EPHB1: variants seen among roughly 807,000 people sequenced by gnomAD.
EPHB1 encodes the protein EPH receptor B1.
Under a neutral mutation model 94.4 loss-of-function variants are expected in EPHB1, and 30 were observed. That is an observed-to-expected ratio of 0.32 (90% CI 0.24 to 0.43). The LOEUF (loss-of-function observed/expected upper bound fraction) is 0.43, where lower values mean the gene tolerates loss of function less well. Ranked by LOEUF, EPHB1 falls within the 20% of genes least tolerant of loss-of-function variation. EPHB1 has a pLI of 1.00. For missense variants in EPHB1, 1,055 were observed against 1,308.3 expected (o/e 0.81, Z 2.99); for synonymous variants, 522 against 489.1 (o/e 1.07, Z -0.89).
At chr3:135,101,436 C>T (rs947818431) in intron 3 of EPHB1, among the ~76,000 whole-genome samples, 29 of 151,960 alleles carry the variant, frequency 1.9e-4, no homozygotes, top group Admixed American at 1.6e-3. Flanking sequence ...TGCAGTGGCG[C>T]GATCTTGGCT....
intron 4 of EPHB1, among the ~76,000 whole-genome samples, chr3:135,111,903 C>T (rs2107801482): frequency 6.6e-6 from 1 of 152,320 alleles, no homozygotes; most frequent in Middle Eastern, 3.4e-3. Flanking sequence ...TGGTCTCGAA[C>T]TCCTGACCTT....
chr3:135,162,779 A>G (rs1370574547), intron 7 of EPHB1, among the ~76,000 whole-genome samples: 1 of 152,148 alleles, frequency 6.6e-6, no homozygotes, highest in South Asian at 2.1e-4. Context: ...TTAGTTCCCT[A>G]TTATCACTAT....
chr3:134,899,626 C>CA (rs2038159019), intron 1 of EPHB1, among the ~76,000 whole-genome samples: 1 of 152,166 alleles, frequency 6.6e-6, no homozygotes, highest in South Asian at 2.1e-4. Context: ...ACTCAAAACA[C>CA]ACTCTTAGAC....
intron 1 of EPHB1, among the ~76,000 whole-genome samples, chr3:134,862,342 G>GT (rs982877022): frequency 2.0e-5 from 3 of 151,978 alleles, no homozygotes; most frequent in African/African-American, 7.3e-5. Context: ...TACTCCATGG[G>GT]TGCATGGGTG....
rs139714986 is a variant in EPHB1 at position 134,838,427 on chromosome 3, AG to A, written c.58+42739del. 7.6e-3 allele frequency among the ~76,000 whole-genome samples: 1,150 copies of A among 152,248 alleles called. 11 individuals are homozygous for A. The highest frequency in any genetic ancestry group is 0.026 in the African/African-American group (1,098 of 41,534). The stretch of plus-strand genomic sequence containing the variant: ...CTGTTCTAGCATTTTCTCCCTTCAC[AG>A]CTTCCCTGGGCTTATTTTGCCTCTT... On this transcript the variant is annotated intron_variant, in intron 1 of 15. Transcript: ENST00000398015.
chr3:135,149,023 T>G (rs1941105558), intron 5 of EPHB1, among the ~76,000 whole-genome samples: 1 of 152,230 alleles, frequency 6.6e-6, no homozygotes, highest in Non-Finnish European at 1.5e-5. Context: ...GTGCCTGTAC[T>G]CTGTTGGGTC....
chr3:135,002,171 TCTATGTCCC>T lies in EPHB1; in HGVS notation c.805+50121_805+50129del, dbSNP rs1486306954. ...ATATTCAGTACTGACATGTTTTGGG[TCTATGTCCC>T]CACCCAAATCTCCTCTCAAATTGTA... is the stretch of plus-strand genomic sequence containing the variant. On this transcript the variant is annotated intron_variant, in intron 3 of 15. Coordinates refer to ENST00000398015, the MANE Select transcript of EPHB1 (RefSeq NM_004441.5). 2.2e-4 allele frequency among the ~76,000 whole-genome samples: 34 copies of T among 152,202 alleles called. 1 individual carries two copies. Among genetic ancestry groups the T allele is most frequent in the Admixed American group, 6.5e-5 (1 of 15,282 alleles).
chr3:134,973,425 C>CTTGTTTTTTT (rs1934057003), intron 3 of EPHB1, among the ~76,000 whole-genome samples: 1 of 91,012 alleles, frequency 1.1e-5, no homozygotes, highest in African/African-American at 4.7e-5. Flanking sequence ...GTCTTCTAGT[C>CTTGTTTTTTT]TTTTTTTTTT....
chr3:134,819,002 G>A (rs1437752625), intron 1 of EPHB1, among the ~76,000 whole-genome samples: 2 of 152,204 alleles, frequency 1.3e-5, no homozygotes, highest in Non-Finnish European at 2.9e-5. Context: ...GGAGGCAGGA[G>A]GTGGGAGCTG....
At chr3:134,803,633 A>G (rs573868477) in intron 1 of EPHB1, among the ~76,000 whole-genome samples, 8 of 152,294 alleles carry the variant, frequency 5.3e-5, no homozygotes, top group African/African-American at 1.7e-4. Flanking sequence ...CCCTTTATAC[A>G]TATTGGTCCC....
At chr3:135,201,834 C>A in intron 12 of EPHB1, 145 bp downstream of exon 12, 1 of 801,318 alleles carries the variant, frequency 1.2e-6, no homozygotes, top group South Asian at 1.8e-5. Context: ...CCAGGAGGAC[C>A]ATCCAGCTGG....
intron 3 of EPHB1, among the ~76,000 whole-genome samples, chr3:135,035,716 G>A (rs535328921): frequency 1.3e-5 from 2 of 152,260 alleles, no homozygotes; most frequent in African/African-American, 4.8e-5. Flanking sequence ...TGGCCTTGAG[G>A]TACTACTCCA....
intron 1 of EPHB1, among the ~76,000 whole-genome samples, chr3:134,882,766 C>CTTTCTTTCTTTTTTCTTTT (rs765038409): frequency 5.8e-5 from 1 of 17,206 alleles, no homozygotes; most frequent in Non-Finnish European, 1.4e-4. Flanking sequence ...TCCTTCCTTC[C>CTTTCTTTCTTTTTTCTTTT]TTTCTTTCTT....
At chr3:134,941,859 A>G (rs1340963306) in intron 2 of EPHB1, among the ~76,000 whole-genome samples, 1 of 151,912 alleles carries the variant, frequency 6.6e-6, no homozygotes, top group African/African-American at 2.4e-5. Context: ...CACTCTAGCA[A>G]TAGAACTGCA....
chr3:135,185,004 A>G (rs903441032), intron 10 of EPHB1, among the ~76,000 whole-genome samples: 5 of 152,254 alleles, frequency 3.3e-5, no homozygotes, highest in African/African-American at 1.2e-4. Context: ...GCAACAGCCT[A>G]AGCATGACTG....
intron 1 of EPHB1, among the ~76,000 whole-genome samples, chr3:134,917,901 T>C (rs1012654564): frequency 5.3e-5 from 8 of 152,254 alleles, no homozygotes; most frequent in African/African-American, 1.9e-4. Flanking sequence ...AGCATCTTTA[T>C]GGGCATGTCT....
chr3:135,004,815 C>T (rs1398042452), intron 3 of EPHB1, among the ~76,000 whole-genome samples: 8 of 151,868 alleles, frequency 5.3e-5, no homozygotes, highest in Non-Finnish European at 1.5e-5. Flanking sequence ...TCCATCAGCT[C>T]CTTTAAGCAC....
intron 3 of EPHB1, among the ~76,000 whole-genome samples, chr3:135,037,591 C>T (rs2107763713): frequency 2.0e-5 from 3 of 152,300 alleles, no homozygotes; most frequent in South Asian, 4.2e-4. Context: ...ACCAGGGACA[C>T]CATTGATTTA....
At chr3:135,235,138 G>A (rs902850264) in intron 12 of EPHB1, among the ~76,000 whole-genome samples, 7 of 152,138 alleles carry the variant, frequency 4.6e-5, no homozygotes, top group Non-Finnish European at 8.8e-5. Flanking sequence ...AGTGGTGCCC[G>A]AGCATTGATG....
Sources: allele counts gnomAD v4.1 joint callset (sites outside exome capture counted in the v4.1 genomes callset), GRCh38; gene constraint gnomAD v4.1.1; transcripts MANE v1.5; gene names NCBI Gene and HGNC (gene_info 2026-07-23, HGNC 2026-07-21).